Variants in ENO1 observed in about 807,000 individuals in gnomAD.
ENO1 encodes enolase 1.
Under a neutral mutation model 46.3 loss-of-function variants are expected in ENO1, and 33 were observed. That is an observed-to-expected ratio of 0.71 (90% confidence interval 0.54 to 0.95). ENO1 has a LOEUF of 0.95. Ranked by LOEUF, ENO1 falls within the 40% of genes least tolerant of loss-of-function variation. The probability of loss-of-function intolerance (pLI) is 0.00; values close to 1 mark genes in which losing one functional copy is unlikely to be tolerated. For missense variants in ENO1, 488 were observed against 553.3 expected, an observed-to-expected ratio of 0.88 and a Z score of 1.18; for synonymous variants, 220 against 216.0, an observed-to-expected ratio of 1.02 and a Z score of -0.16.
At chr1:8,870,322 G>C in intron 4 of ENO1, 130 bp downstream of exon 4, 1 of 1,179,832 alleles carries the variant, frequency 8.5e-7, no homozygotes, top group South Asian at 1.3e-5. Flanking sequence ...GATTGTTCTC[G>C]TGCGTGACAG....
intron 4 of ENO1, 148 bp downstream of exon 4, chr1:8,870,304 C>A: frequency 1.0e-6 from 1 of 1,004,066 alleles, no homozygotes; most frequent in South Asian, 1.6e-5. Context: ...AGAATTATGT[C>A]ATGCATGGAT....
chr1:8,863,738 A>AT (rs1642452324), intron 9 of ENO1, among the ~76,000 whole-genome samples, 153 bp downstream of exon 9: 1 of 152,172 alleles, frequency 6.6e-6, no homozygotes. Flanking sequence ...TGTTTAATTT[A>AT]AAAGGCTCCT....
Position 8,866,276 on chromosome 1 carries a change from T to C in ENO1, c.667+3A>G, listed in dbSNP as rs1419538583. The C allele has an allele frequency of 1.2e-6, 2 of 1,613,942 alleles. No individual in the cohort carries two copies. Among genetic ancestry groups the C allele is most frequent in the South Asian group, 1.1e-5 (1 of 91,080 alleles). ...TGGGGGGGCGGTTCCCTAGCGCCTTTACCTTCTTTATTCTCCAGGATGTTG... is the reference window on the plus strand; with the variant it reads ...TGGGGGGGCGGTTCCCTAGCGCCTTCACCTTCTTTATTCTCCAGGATGTTG... On this transcript the variant is annotated splice_donor_region_variant and intron_variant, in intron 7 of 11. Coordinates refer to ENST00000234590, the MANE Select transcript of ENO1 (RefSeq NM_001428.5).
intron 10 of ENO1, 104 bp from the exon 11 acceptor site, chr1:8,863,049 T>C (rs1023844747): frequency 4.1e-6 from 6 of 1,475,794 alleles, no homozygotes; most frequent in Non-Finnish European, 5.6e-6. Flanking sequence ...GAGGATCTGA[T>C]GCTAGGAAAG....
rs753475072 is a variant in ENO1, at chr1:8,878,686, T to C, written c.-116A>G. The stretch of plus-strand genomic sequence containing the variant: ...CCGTGCTCCGGGTACCCACAGATAC[T>C]GTCCGCGCCGCCCGCGCCGACTTCC... On this transcript the variant is annotated 5_prime_UTR_variant, in exon 1 of 12. Transcript: ENST00000234590. 3 of 455,928 alleles carry C rather than the reference T, an allele frequency of 6.6e-6. No homozygotes were observed. Among genetic ancestry groups the C allele is most frequent in the Non-Finnish European group, 1.3e-5 (3 of 226,792 alleles). The allele number at this position is 455,928 out of a possible 1,614,324, so 28.2% of individuals were successfully genotyped here. A position where few individuals can be genotyped will look rare whatever the true frequency, so the allele number is the denominator to read the frequency against.
Position 8,863,363 on chromosome 1 carries a change from C to A in ENO1, c.1068-20G>T. 2.5e-6 allele frequency: 4 copies of A among 1,605,074 alleles called. No homozygotes were observed. Among genetic ancestry groups the A allele is most frequent in the Non-Finnish European group, 2.6e-6 (3 of 1,175,822 alleles). On this transcript the variant is annotated intron_variant, in intron 9 of 11. Transcript: ENST00000234590. ...TTGCACCTGGAAGCCAAGGAACAAC[C>A]CAGATGGCATGATCCCATTTTCTGG...
In ENO1 at chr1:8,864,029, C is replaced by A; in HGVS notation, c.929G>T (p.Ser310Ile). ...DWGAWQKFTA[S>I]AGIQVVGDDL... Reference sequence around the variant, plus strand: ...ATCCCCCACTACCTGGATTCCTGCACTGGCTGTGAACTTCTGCCAAGCTCC... The same window carrying A: ...ATCCCCCACTACCTGGATTCCTGCAATGGCTGTGAACTTCTGCCAAGCTCC... Residue 310 changes from serine (S) to isoleucine (I), a missense_variant, in exon 9 of 12, where the codon AGT becomes ATT. Coordinates refer to ENST00000234590, the MANE Select transcript of ENO1 (RefSeq NM_001428.5). The A allele has an allele frequency of 6.2e-7, 1 of 1,614,192 alleles. No individual in the cohort carries two copies. The highest frequency in any genetic ancestry group is 8.5e-7 in the Non-Finnish European group (1 of 1,180,036).
chr1:8,873,119 T>C (rs896367431), intron 2 of ENO1, among the ~76,000 whole-genome samples: 8 of 152,230 alleles, frequency 5.3e-5, no homozygotes, highest in Non-Finnish European at 1.2e-4. Context: ...ATATCCACCC[T>C]ACACTGGATC....
intron 1 of ENO1, among the ~76,000 whole-genome samples, chr1:8,876,866 C>T (rs1642744286): frequency 6.6e-6 from 1 of 150,824 alleles, no homozygotes; most frequent in African/African-American, 2.4e-5. Context: ...TTTTTTGAGA[C>T]GGAGTTTCGC....
At chr1:8,867,603 T>C (rs2124077239) in intron 5 of ENO1, among the ~76,000 whole-genome samples, 1 of 152,230 alleles carries the variant, frequency 6.6e-6, no homozygotes, top group East Asian at 1.9e-4. Flanking sequence ...TTGCCCAGGC[T>C]GCAGTGCAGC....
At chr1:8,862,774 C>T in intron 11 of ENO1, 113 bp downstream of exon 11, 1 of 1,227,704 alleles carries the variant, frequency 8.1e-7, no homozygotes, top group South Asian at 1.4e-5. Flanking sequence ...TGTGCACCTG[C>T]ACCTGTACAT....
rs1460169054 is a variant in ENO1 at position 8,870,434 on chromosome 1, T to C, written c.240+18A>G. 1.9e-6 allele frequency: 3 copies of C among 1,614,166 alleles called. No individual in the cohort carries two copies. The highest frequency in any genetic ancestry group is 3.3e-5 in the Admixed American group (2 of 60,026). Reference sequence around the variant, plus strand: ...CTGGTGGCATTAGACACATTAGTTATCAGGAGGCAGGTCCTACCTTGCTAA... The same window carrying C: ...CTGGTGGCATTAGACACATTAGTTACCAGGAGGCAGGTCCTACCTTGCTAA... On this transcript the variant is annotated intron_variant, in intron 4 of 11. Transcript: ENST00000234590.
intron 5 of ENO1, among the ~76,000 whole-genome samples, chr1:8,867,756 T>C (rs1202039941): frequency 6.6e-6 from 1 of 152,096 alleles, no homozygotes; most frequent in African/African-American, 2.4e-5. Context: ...GGTCTCGATC[T>C]CCTGACCTCG....
At chr1:8,870,147 C>A in intron 4 of ENO1, 1 of 407,878 alleles carries the variant, frequency 2.5e-6, no homozygotes, top group Non-Finnish European at 4.5e-6. Flanking sequence ...ACAAACACCC[C>A]TGAGAGCCAC....
Position 8,863,229 on chromosome 1 carries a change from T to C in ENO1, c.1176+6A>G. On this transcript the variant is annotated splice_donor_region_variant and intron_variant, in intron 10 of 11. Transcript: ENST00000234590. ...AGAGAAGAAAGGAGGAGACGCTCATTCTTACCTGCCCAGTGCACAGCCCCA... is the reference window on the plus strand; with the variant it reads ...AGAGAAGAAAGGAGGAGACGCTCATCCTTACCTGCCCAGTGCACAGCCCCA... 1.7e-5 allele frequency: 28 copies of C among 1,613,934 alleles called. No homozygotes were observed. Among genetic ancestry groups the C allele is most frequent in the Non-Finnish European group, 2.3e-5 (27 of 1,179,938 alleles).
At chr1:8,869,351 G>A (rs952091484) in intron 4 of ENO1, among the ~76,000 whole-genome samples, 1 of 152,080 alleles carries the variant, frequency 6.6e-6, no homozygotes, top group African/African-American at 2.4e-5. Flanking sequence ...CAGACAGAAC[G>A]GTAACAAGAC....
In ENO1 at chr1:8,866,330, T is replaced by C. The variant is rs1365935305; in HGVS notation, c.616A>G (p.Asn206Asp). ...IKEKYGKDAT[N>D]VGDEGGFAPN... ...GCAAACCCGCCTTCATCCCCCACAT[T>C]GGTGGCATCTTTCCCATATTTCTCC... Residue 206 changes from asparagine (N) to aspartate (D), a missense_variant, in exon 7 of 12, where the codon AAT becomes GAT. Coordinates refer to ENST00000234590, the MANE Select transcript of ENO1 (RefSeq NM_001428.5). 1 of 1,614,116 alleles carries C rather than the reference T, an allele frequency of 6.2e-7. No homozygotes were observed. Among genetic ancestry groups the C allele is most frequent in the Admixed American group, 1.7e-5 (1 of 60,010 alleles).
chr1:8,866,590 G>A lies in ENO1; in HGVS notation c.445-89C>T, dbSNP rs945473817. On this transcript the variant is annotated intron_variant, in intron 6 of 11. Transcript: ENST00000234590. ...CCTCTGGTCCTACCATCCCAATCTA[G>A]CTCACAGATGAGCCCAAGACTTGCT... 2.2e-6 allele frequency: 3 copies of A among 1,381,690 alleles called. No homozygotes were observed. In the African/African-American group the frequency reaches 4.3e-5, roughly 20 times the overall value. 85.6% of individuals were successfully genotyped at this position (1,381,690 alleles called of 1,614,324 possible).
chr1:8,867,851 T>TA (rs1481566960), intron 5 of ENO1, 137 bp downstream of exon 5: 19 of 824,430 alleles, frequency 2.3e-5, no homozygotes, highest in African/African-American at 1.0e-4. Context: ...TTCTTAAGAG[T>TA]AAAGCAAAGA....
Sources: allele counts gnomAD v4.1 joint callset (sites outside exome capture counted in the v4.1 genomes callset), GRCh38; gene constraint gnomAD v4.1.1; transcripts MANE v1.5; gene names NCBI Gene and HGNC (gene_info 2026-07-23, HGNC 2026-07-21).